The following EPS15 variants were observed in gnomAD, a reference collection of about 807,000 sequenced individuals.
EPS15 encodes epidermal growth factor receptor pathway substrate 15.
Under a neutral mutation model 113.8 loss-of-function variants are expected in EPS15, and 72 were observed. That is an observed-to-expected ratio of 0.63 (90% CI 0.52 to 0.77). The LOEUF (loss-of-function observed/expected upper bound fraction) is 0.77. Among genes scored for constraint, EPS15 ranks in the 30% least tolerant of loss-of-function variants. EPS15 has a pLI of 0.00. For synonymous variants in EPS15, 344 were observed against 363.4 expected (o/e 0.95, Z 0.61); for missense variants, 1,048 against 1,045.8 (o/e 1.00, Z -0.03).
At chr1:51,384,298 CT>C (rs67265512) in intron 21 of EPS15, among the ~76,000 whole-genome samples, 133 of 99,524 alleles carry the variant, frequency 1.3e-3, no homozygotes, top group African/African-American at 4.0e-3. Context: ...TTCTTTCTTT[CT>C]TTTTTTTTTT....
intron 3 of EPS15, among the ~76,000 whole-genome samples, chr1:51,472,609 T>C (rs1655321831): frequency 6.6e-6 from 1 of 152,202 alleles, no homozygotes; most frequent in South Asian, 2.1e-4. Context: ...CCCCACCAAA[T>C]GTACTTATTA....
At chr1:51,512,624 A>G (rs1368333891) in intron 1 of EPS15, among the ~76,000 whole-genome samples, 1 of 152,150 alleles carries the variant, frequency 6.6e-6, no homozygotes, top group Non-Finnish European at 1.5e-5. Flanking sequence ...GTAAAAGACT[A>G]AAGCAGTTTA....
At chr1:51,385,048 C>T (rs1647031752) in intron 21 of EPS15, among the ~76,000 whole-genome samples, 1 of 152,108 alleles carries the variant, frequency 6.6e-6, no homozygotes, top group African/African-American at 2.4e-5. Context: ...GGTTATAACA[C>T]TAAAAGCAAA....
intron 1 of EPS15, among the ~76,000 whole-genome samples, chr1:51,508,226 A>AGAG (rs1336567376): frequency 1.8e-5 from 2 of 114,002 alleles, no homozygotes; most frequent in Admixed American, 1.8e-4. Context: ...AAGAAAAGAA[A>AGAG]AGAAAAGAAA....
rs533071236 is a variant in EPS15, at chr1:51,387,387, G to A, written c.2119+6994C>T. Among the ~76,000 whole-genome samples, 27 of 151,940 alleles carry A rather than the reference G, an allele frequency of 1.8e-4. No homozygotes were observed. The South Asian group carries it at 3.6e-3, about 20-fold the overall frequency. ...ATCATGCCAAATTGTAAAGACCATCGAGACTAGGAAGAAACTGCATCAACT... is the reference window on the plus strand; with the variant it reads ...ATCATGCCAAATTGTAAAGACCATCAAGACTAGGAAGAAACTGCATCAACT... On this transcript the variant is annotated intron_variant, in intron 21 of 24. Coordinates refer to ENST00000371733, the MANE Select transcript of EPS15 (RefSeq NM_001981.3).
intron 21 of EPS15, among the ~76,000 whole-genome samples, chr1:51,371,956 A>G (rs575496559): frequency 5.9e-5 from 9 of 152,220 alleles, no homozygotes; most frequent in African/African-American, 2.2e-4. Context: ...TGCCTACAGT[A>G]TTCAGTATAG....
intron 2 of EPS15, among the ~76,000 whole-genome samples, chr1:51,475,347 C>G (rs993831401): frequency 4.3e-4 from 65 of 151,970 alleles, no homozygotes; most frequent in African/African-American, 1.5e-3. Context: ...ACATCTGTTT[C>G]CTGACTTTTT....
intron 21 of EPS15, among the ~76,000 whole-genome samples, chr1:51,368,494 G>A (rs1184215258): frequency 6.6e-6 from 1 of 152,104 alleles, no homozygotes; most frequent in East Asian, 1.9e-4. Context: ...CCTTTTCATT[G>A]ATACATATCT....
intron 1 of EPS15, among the ~76,000 whole-genome samples, chr1:51,514,359 G>A (rs1475040498): frequency 6.6e-6 from 1 of 151,690 alleles, no homozygotes; most frequent in Non-Finnish European, 1.5e-5. Context: ...GGTTTCCAGA[G>A]TACTGATTTT....
intron 18 of EPS15, 108 bp from the exon 19 acceptor site, chr1:51,401,061 AACTTC>A (rs1648501756): frequency 1.5e-6 from 1 of 655,182 alleles, no homozygotes; most frequent in Non-Finnish European, 2.6e-6. Context: ...TTATTTCAAT[AACTTC>A]ACTTCACAGT....
intron 1 of EPS15, among the ~76,000 whole-genome samples, chr1:51,504,932 A>G (rs1644472650): frequency 6.6e-6 from 1 of 152,088 alleles, no homozygotes; most frequent in Non-Finnish European, 1.5e-5. Flanking sequence ...ACCAGCCCAG[A>G]CAACATGGTA....
chr1:51,356,601 G>T lies in EPS15; in HGVS notation c.*99C>A, dbSNP rs1646222923. ...CATTTACAGGAATCTCAAACCTTTTGTATTCCCATGCTCACAGGTAGTTTT... is the reference window on the plus strand; with the variant it reads ...CATTTACAGGAATCTCAAACCTTTTTTATTCCCATGCTCACAGGTAGTTTT... On this transcript the variant is annotated 3_prime_UTR_variant, in exon 25 of 25. Transcript: ENST00000371733. The T allele has an allele frequency of 5.1e-6, 5 of 980,658 alleles. No homozygotes were observed. The highest frequency in any genetic ancestry group is 2.9e-5 in the Admixed American group (1 of 34,520). 60.7% of individuals were successfully genotyped at this position (980,658 alleles called of 1,614,324 possible).
At chr1:51,376,784 A>T (rs1646810660) in intron 21 of EPS15, among the ~76,000 whole-genome samples, 1 of 152,256 alleles carries the variant, frequency 6.6e-6, no homozygotes, top group Non-Finnish European at 1.5e-5. Flanking sequence ...CTAACACAAC[A>T]TCCATTCTTG....
At chr1:51,463,066 T>TG (rs1340275317) in intron 7 of EPS15, 3 of 151,686 alleles carry the variant, frequency 2.0e-5, no homozygotes, top group African/African-American at 4.8e-5. Flanking sequence ...TTAGTAGAGA[T>TG]GGGGTTTCAC....
At chr1:51,514,554 AAT>A (rs1644680604) in intron 1 of EPS15, among the ~76,000 whole-genome samples, 1 of 152,198 alleles carries the variant, frequency 6.6e-6, no homozygotes, top group Admixed American at 6.5e-5. Flanking sequence ...GAACAAGTAA[AAT>A]ATCTTAGATT....
At position 51,466,633 on chromosome 1, in the gene EPS15, T is replaced by A. The variant is rs183584778; in HGVS notation, c.310-1307A>T. Among the ~76,000 whole-genome samples the A allele has an allele frequency of 9.2e-3, 1,377 of 150,160 alleles. 17 individuals are homozygous for A. The highest frequency in any genetic ancestry group is 0.029 in the African/African-American group (1,194 of 40,812). ...AGCGAAACTCCCTCTCAAAAAAAAA[T>A]AAATAAATAAATAAAAATAAAATCT... is the stretch of plus-strand genomic sequence containing the variant. On this transcript the variant is annotated intron_variant, in intron 5 of 24. Coordinates refer to ENST00000371733, the MANE Select transcript of EPS15 (RefSeq NM_001981.3).
At position 51,354,987 on chromosome 1, in the gene EPS15, C is replaced by G. The variant is rs1215102721; in HGVS notation, c.*1713G>C. On this transcript the variant is annotated 3_prime_UTR_variant, in exon 25 of 25. Transcript: ENST00000371733. ...AGAGGAAGAAAATAAACAAAAATACCACCTATCACAACTCCCAGTCAAATT... is the reference window on the plus strand; with the variant it reads ...AGAGGAAGAAAATAAACAAAAATACGACCTATCACAACTCCCAGTCAAATT... 8 of 221,110 alleles carry G rather than the reference C, an allele frequency of 3.6e-5. No homozygotes were observed. The highest frequency in any genetic ancestry group is 7.2e-5 in the Non-Finnish European group (8 of 110,508). The allele number at this position is 221,110 out of a possible 1,614,324, so 13.7% of individuals were successfully genotyped here. A position where few individuals can be genotyped will look rare whatever the true frequency, so the allele number is the denominator to read the frequency against.
chr1:51,501,465 G>T (rs72691894), intron 1 of EPS15, among the ~76,000 whole-genome samples: 4,568 of 151,924 alleles, frequency 0.03, 74 homozygotes, highest in African/African-American at 0.05. Context: ...TTAGTTTTTT[G>T]GGGGGTTTTT....
intron 1 of EPS15, among the ~76,000 whole-genome samples, chr1:51,507,649 A>G (rs932894780): frequency 6.6e-6 from 1 of 151,890 alleles, no homozygotes; most frequent in Non-Finnish European, 1.5e-5. Context: ...TGACAGAGGA[A>G]GACTCCATCT....
Sources: allele counts gnomAD v4.1 joint callset (sites outside exome capture counted in the v4.1 genomes callset), GRCh38; gene constraint gnomAD v4.1.1; transcripts MANE v1.5; gene names NCBI Gene and HGNC (gene_info 2026-07-23, HGNC 2026-07-21).